AP2B1: variants seen among roughly 807,000 people sequenced by gnomAD.
AP2B1 encodes the protein AP-2 complex subunit beta.
Under a neutral mutation model 102.0 loss-of-function variants are expected in AP2B1, and 23 were observed. That is an observed-to-expected ratio of 0.23 (90% confidence interval 0.16 to 0.32). AP2B1 has a LOEUF of 0.32. Among genes scored for constraint, AP2B1 ranks in the 10% least tolerant of loss-of-function variants. AP2B1 has a pLI of 1.00. For synonymous variants in AP2B1, 381 were observed against 421.2 expected (o/e 0.90, Z 1.17); for missense variants, 541 against 1,157.4 (o/e 0.47, Z 7.73).
intron 2 of AP2B1, chr17:35,596,826 A>C (rs2073300663): frequency 1.5e-6 from 1 of 658,818 alleles, no homozygotes; most frequent in Admixed American, 1.9e-5. Context: ...CAGGCCCCGC[A>C]GGCGCTGCCC....
At chr17:35,625,758 A>G (rs2074297328) in intron 6 of AP2B1, among the ~76,000 whole-genome samples, 1 of 152,150 alleles carries the variant, frequency 6.6e-6, no homozygotes, top group South Asian at 2.1e-4. Flanking sequence ...AATGCTGGGC[A>G]TTTGGGGGTG....
At chr17:35,697,297 T>C (rs376261572) in intron 18 of AP2B1, among the ~76,000 whole-genome samples, 42 of 152,338 alleles carry the variant, frequency 2.8e-4, no homozygotes, top group African/African-American at 8.9e-4. Context: ...AAACTGGAGA[T>C]GACTAGGAAC....
intron 20 of AP2B1, among the ~76,000 whole-genome samples, chr17:35,712,599 A>G (rs1459913278): frequency 6.6e-6 from 1 of 152,150 alleles, no homozygotes; most frequent in African/African-American, 2.4e-5. Flanking sequence ...ACTGCACTCC[A>G]GCCTGGGTGA....
chr17:35,616,140 C>CTTTTTTT, intron 5 of AP2B1, among the ~76,000 whole-genome samples: 1 of 79,374 alleles, frequency 1.3e-5, no homozygotes, highest in South Asian at 4.4e-4. Context: ...TAAAAAATAT[C>CTTTTTTT]TCTTTTTTTT....
Position 35,709,315 on chromosome 17 carries a change from ACCT to A in AP2B1, c.2539+8_2539+10del. ...GTAGAAGATGGCAAAATGGGTAAGT[ACCT>A]TCCTGCCTGTCCTGCTGAATATACC... On this transcript the variant is annotated splice_region_variant and intron_variant, in intron 19 of 21. Transcript: ENST00000610402. The A allele has an allele frequency of 6.2e-7, 1 of 1,610,694 alleles. No individual in the cohort carries two copies.
rs17670091 is a variant in AP2B1, at chr17:35,650,897, T to C, written c.1796+108T>C. The C allele has an allele frequency of 8.1e-3, 10,744 of 1,324,056 alleles. 77 individuals carry two copies. The highest frequency in any genetic ancestry group is 9.0e-3 in the Non-Finnish European group (8,597 of 959,316). The allele number at this position is 1,324,056 out of a possible 1,614,324, so 82.0% of individuals were successfully genotyped here. On this transcript the variant is annotated intron_variant, in intron 13 of 21. Transcript: ENST00000610402. Reference sequence around the variant, plus strand: ...AAAAGAACTGCTGTACATTTTTGCTTCTTTATGCTTTTATAGTCTGGAAAA... The same window carrying C: ...AAAAGAACTGCTGTACATTTTTGCTCCTTTATGCTTTTATAGTCTGGAAAA...
chr17:35,648,743 AGTGT>A lies in AP2B1; in HGVS notation c.1537-1759_1537-1756del, dbSNP rs10668040. ...TATGAAACTGGTTTTATATGAAATAAGTGTGTGTGTGTGTGTGTGTGTGTGTGTG... is the reference window on the plus strand; with the variant it reads ...TATGAAACTGGTTTTATATGAAATAAGTGTGTGTGTGTGTGTGTGTGTGTG... On this transcript the variant is annotated intron_variant, in intron 12 of 21. Coordinates refer to ENST00000610402, the MANE Select transcript of AP2B1 (RefSeq NM_001030006.2). Among the ~76,000 whole-genome samples, 946 of 148,698 alleles carry A rather than the reference AGTGT, an allele frequency of 6.4e-3. 4 individuals are homozygous for A. Among genetic ancestry groups the A allele is most frequent in the Middle Eastern group, 0.014 (4 of 292 alleles).
intron 17 of AP2B1, among the ~76,000 whole-genome samples, chr17:35,674,631 G>A (rs749540682): frequency 5.9e-5 from 9 of 152,166 alleles, no homozygotes; most frequent in Non-Finnish European, 1.2e-4. Context: ...CTTGAACCTG[G>A]GAGGCCAAGG....
chr17:35,627,337 A>C (rs1191078116), intron 7 of AP2B1, 48 bp from the exon 8 acceptor site: 1 of 1,569,172 alleles, frequency 6.4e-7, no homozygotes, highest in East Asian at 2.4e-5. Context: ...AGAAGGGTAT[A>C]TCAGTATATG....
chr17:35,625,523 T>A (rs901523436), intron 6 of AP2B1, among the ~76,000 whole-genome samples: 2 of 152,192 alleles, frequency 1.3e-5, no homozygotes, highest in African/African-American at 4.8e-5. Flanking sequence ...TTAGCAAATA[T>A]TTATTAAGTG....
rs1268084322 is a variant in AP2B1 at position 35,614,218 on chromosome 17, G to A, written c.525+5831G>A. Among the ~76,000 whole-genome samples the A allele has an allele frequency of 1.5e-4, 23 of 152,096 alleles. No homozygotes were observed. The South Asian group carries it at 4.8e-3, about 32-fold the overall frequency. On this transcript the variant is annotated intron_variant, in intron 5 of 21. Transcript: ENST00000610402. The stretch of plus-strand genomic sequence containing the variant: ...AAAATTTACTTTTTATTTTTTGAGA[G>A]ACCTGGTCTTGCTCTGTCACCCAGG...
At chr17:35,714,348 T>C (rs1555588905) in intron 20 of AP2B1, among the ~76,000 whole-genome samples, 1 of 152,200 alleles carries the variant, frequency 6.6e-6, no homozygotes, top group Non-Finnish European at 1.5e-5. Flanking sequence ...TGCTAATAAA[T>C]ACCACAGCAG....
At chr17:35,612,896 A>G in intron 5 of AP2B1, among the ~76,000 whole-genome samples, 1 of 151,678 alleles carries the variant, frequency 6.6e-6, no homozygotes, top group African/African-American at 2.4e-5. Flanking sequence ...ACACACACAC[A>G]CACACACACA....
chr17:35,686,843 G>A (rs961251751), intron 18 of AP2B1, among the ~76,000 whole-genome samples: 1 of 152,196 alleles, frequency 6.6e-6, no homozygotes, highest in African/African-American at 2.4e-5. Context: ...GCAGGTGCCT[G>A]TAGTCCCAGC....
At chr17:35,623,803 T>G (rs2074246394) in intron 5 of AP2B1, among the ~76,000 whole-genome samples, 1 of 152,224 alleles carries the variant, frequency 6.6e-6, no homozygotes, top group South Asian at 2.1e-4. Context: ...ATCTTATCCT[T>G]AAACTAAAAC....
intron 5 of AP2B1, among the ~76,000 whole-genome samples, chr17:35,623,495 T>C (rs2074239533): frequency 6.6e-6 from 1 of 152,168 alleles, no homozygotes. Context: ...ACCCAGTAGA[T>C]GAAGGTTACA....
intron 18 of AP2B1, 65 bp from the exon 19 acceptor site, chr17:35,709,159 C>T: frequency 1.5e-6 from 2 of 1,376,498 alleles, no homozygotes; most frequent in Non-Finnish European, 2.1e-6. Context: ...AGACACAGCG[C>T]TGTTCTTTTC....
intron 18 of AP2B1, among the ~76,000 whole-genome samples, chr17:35,693,842 A>G (rs2076087568): frequency 6.6e-6 from 1 of 152,218 alleles, no homozygotes; most frequent in South Asian, 2.1e-4. Flanking sequence ...GGAACTACCC[A>G]GAGACAGCAT....
At chr17:35,670,733 G>T in intron 14 of AP2B1, 124 bp from the exon 15 acceptor site, 1 of 958,228 alleles carries the variant, frequency 1.0e-6, no homozygotes, top group Admixed American at 1.9e-5. Flanking sequence ...GGCTTTGGGA[G>T]ACAAGTTGAA....
Sources: allele counts gnomAD v4.1 joint callset (sites outside exome capture counted in the v4.1 genomes callset), GRCh38; gene constraint gnomAD v4.1.1; transcripts MANE v1.5; gene names NCBI Gene and HGNC (gene_info 2026-07-23, HGNC 2026-07-21).